CDH12: variants seen among roughly 807,000 people sequenced by gnomAD.
CDH12 encodes the protein cadherin 12.
CDH12 carries 41 observed loss-of-function variants against 74.1 expected under a neutral mutation model. That is an observed-to-expected ratio of 0.55 (90% confidence interval 0.43 to 0.72). The LOEUF is 0.72. Among genes scored for constraint, CDH12 ranks in the 30% least tolerant of loss-of-function variants. The probability of loss-of-function intolerance (pLI) is 0.00; values close to 1 mark genes in which losing one functional copy is unlikely to be tolerated. For synonymous variants in CDH12, 399 were observed against 355.0 expected (o/e 1.12, Z -1.39); for missense variants, 945 against 977.2 (o/e 0.97, Z 0.44).
At chr5:22,683,067 T>C (rs1580883668) in intron 1 of CDH12, among the ~76,000 whole-genome samples, 1 of 152,164 alleles carries the variant, frequency 6.6e-6, no homozygotes. Flanking sequence ...TTATTCTTGC[T>C]GATAACATGA....
chr5:21,806,882 T>C (rs180675192), intron 9 of CDH12, among the ~76,000 whole-genome samples: 6 of 152,298 alleles, frequency 3.9e-5, no homozygotes, highest in African/African-American at 1.4e-4. Flanking sequence ...CCAAGGATGA[T>C]AGTAGTCCCT....
chr5:22,236,483 G>C (rs1213077705), intron 3 of CDH12, among the ~76,000 whole-genome samples: 1 of 151,780 alleles, frequency 6.6e-6, no homozygotes, highest in Non-Finnish European at 1.5e-5. Context: ...CTGTAATCCC[G>C]GCACTTTGGG....
intron 6 of CDH12, among the ~76,000 whole-genome samples, chr5:21,971,119 T>G (rs1241833253): frequency 1.3e-5 from 2 of 151,978 alleles, no homozygotes; most frequent in Non-Finnish European, 1.5e-5. Flanking sequence ...TGCCCATCCT[T>G]CAGGTTTTGT....
intron 2 of CDH12, among the ~76,000 whole-genome samples, chr5:22,453,186 A>G (rs1339435394): frequency 3.3e-5 from 5 of 152,092 alleles, no homozygotes; most frequent in African/African-American, 4.8e-5. Flanking sequence ...GGTTTCTTAA[A>G]AAGCTAAAAA....
At chr5:22,064,630 C>G (rs147222822) in intron 5 of CDH12, among the ~76,000 whole-genome samples, 3 of 152,124 alleles carry the variant, frequency 2.0e-5, no homozygotes, top group African/African-American at 7.2e-5. Context: ...GCATCTGAAG[C>G]TCATAACATA....
intron 3 of CDH12, among the ~76,000 whole-genome samples, chr5:22,257,681 A>G (rs1753367737): frequency 6.6e-6 from 1 of 151,752 alleles, no homozygotes; most frequent in Non-Finnish European, 1.5e-5. Flanking sequence ...TTGTATTTTT[A>G]GTAGAGATGG....
chr5:22,310,462 C>A (rs74976835), intron 3 of CDH12, among the ~76,000 whole-genome samples: 194 of 138,740 alleles, frequency 1.4e-3, no homozygotes, highest in Admixed American at 1.6e-3. Context: ...GACTCTGTCT[C>A]AAAAAAAAAA....
chr5:22,005,752 C>T (rs1269433997), intron 5 of CDH12, among the ~76,000 whole-genome samples: 1 of 152,116 alleles, frequency 6.6e-6, no homozygotes, highest in Non-Finnish European at 1.5e-5. Flanking sequence ...TTGTTTACTG[C>T]CACTATTAGA....
chr5:22,078,490 C>CA lies in CDH12; in HGVS notation c.186dup (p.Val63CysfsTer43). The CA allele has an allele frequency of 2.5e-6, 4 of 1,613,852 alleles. No homozygotes were observed. The highest frequency in any genetic ancestry group is 2.5e-6 in the Non-Finnish European group (3 of 1,179,846). On this transcript the variant is annotated frameshift_variant, in exon 5 of 15. Coordinates refer to ENST00000382254, the MANE Select transcript of CDH12 (RefSeq NM_004061.5). LOFTEE classifies it high-confidence loss of function. ...TCGGAGCCCACGTATTCTTCCAGCA[C>CA]AAAAAATTGATTCCATACCCAGCCA...
At chr5:22,074,854 T>C (rs1431987499) in intron 5 of CDH12, among the ~76,000 whole-genome samples, 1 of 152,088 alleles carries the variant, frequency 6.6e-6, no homozygotes, top group Non-Finnish European at 1.5e-5. Flanking sequence ...ACTTTTACAC[T>C]GTTGGTGGGA....
chr5:22,591,011 C>T (rs1271066698), intron 1 of CDH12, among the ~76,000 whole-genome samples: 1 of 152,068 alleles, frequency 6.6e-6, no homozygotes. Context: ...GAGATGTGCG[C>T]CTGTAACTCC....
chr5:22,683,705 G>A (rs993062767), intron 1 of CDH12, among the ~76,000 whole-genome samples: 1 of 152,120 alleles, frequency 6.6e-6, no homozygotes, highest in East Asian at 1.9e-4. Flanking sequence ...AGAAGAAATT[G>A]GACAAATAAC....
At position 22,754,328 on chromosome 5, in the gene CDH12, T is replaced by A. The variant is rs568669203; in HGVS notation, c.-523+98730A>T. 3.9e-5 allele frequency among the ~76,000 whole-genome samples: 6 copies of A among 152,300 alleles called. 1 individual carries two copies. In the South Asian group the frequency reaches 1.2e-3, roughly 32 times the overall value. On this transcript the variant is annotated intron_variant, in intron 1 of 14. Coordinates refer to ENST00000382254, the MANE Select transcript of CDH12 (RefSeq NM_004061.5). ...AATTATAGGAGCCTGTTCTAAGTAC[T>A]GGGGTAACAACCCTAGACACTGTCT...
intron 3 of CDH12, among the ~76,000 whole-genome samples, chr5:22,314,470 G>A (rs923431941): frequency 6.6e-6 from 1 of 152,176 alleles, no homozygotes; most frequent in African/African-American, 2.4e-5. Context: ...GACACAGCAG[G>A]AAGGCAACCA....
At chr5:22,274,630 A>G (rs1736543176) in intron 3 of CDH12, among the ~76,000 whole-genome samples, 1 of 152,078 alleles carries the variant, frequency 6.6e-6, no homozygotes, top group Non-Finnish European at 1.5e-5. Flanking sequence ...CTACATATTC[A>G]TGATATATCA....
intron 6 of CDH12, among the ~76,000 whole-genome samples, chr5:21,971,923 T>C (rs950925137): frequency 5.3e-5 from 8 of 152,170 alleles, no homozygotes; most frequent in African/African-American, 1.7e-4. Context: ...AAACAATTCA[T>C]AGATTCACTG....
chr5:22,349,897 A>T (rs1740288368), intron 3 of CDH12, among the ~76,000 whole-genome samples: 1 of 152,136 alleles, frequency 6.6e-6, no homozygotes. Flanking sequence ...ATCTTTAAAA[A>T]ATTTGTCAAC....
At chr5:22,229,185 C>T (rs975052047) in intron 3 of CDH12, among the ~76,000 whole-genome samples, 5 of 149,934 alleles carry the variant, frequency 3.3e-5, no homozygotes, top group African/African-American at 7.4e-5. Flanking sequence ...GAAATTTCTC[C>T]TTTTTAGTAA....
intron 1 of CDH12, among the ~76,000 whole-genome samples, chr5:22,632,366 T>C (rs1010568542): frequency 1.3e-5 from 2 of 151,944 alleles, no homozygotes; most frequent in African/African-American, 4.8e-5. Context: ...TAAATACAAA[T>C]AAATTAAGTA....
Sources: allele counts gnomAD v4.1 joint callset (sites outside exome capture counted in the v4.1 genomes callset), GRCh38; gene constraint gnomAD v4.1.1; transcripts MANE v1.5; gene names NCBI Gene and HGNC (gene_info 2026-07-23, HGNC 2026-07-21).